Variants in DHRSX observed in about 807,000 individuals in gnomAD.
DHRSX encodes dehydrogenase/reductase X-linked.
Under a neutral mutation model 34.0 loss-of-function variants are expected in DHRSX, and 31 were observed. That is an observed-to-expected ratio of 0.91 (90% CI 0.69 to 1.23). The LOEUF (loss-of-function observed/expected upper bound fraction) is 1.23, where lower values mean the gene tolerates loss of function less well. DHRSX is among the 50% of genes most tolerant of loss of function. The pLI, the probability that DHRSX is intolerant of heterozygous loss-of-function variation, is 0.00. For missense variants in DHRSX, 414 were observed against 428.1 expected (o/e 0.97, Z 0.29); for synonymous variants, 201 against 183.8 (o/e 1.09, Z -0.76).
intron 6 of DHRSX, among the ~76,000 whole-genome samples, chrX:2,238,579 CTTCT>C (rs1372305581): frequency 6.0e-5 from 9 of 149,796 alleles, no homozygotes; most frequent in Non-Finnish European, 8.9e-5. Context: ...CAAGGTTTTT[CTTCT>C]TTCTTTTTTT....
intron 3 of DHRSX, among the ~76,000 whole-genome samples, chrX:2,298,638 G>GCACACACACGCACACACACACACACA (rs1569485218): frequency 9.7e-6 from 1 of 103,356 alleles, no homozygotes; most frequent in African/African-American, 7.5e-5. Flanking sequence ...ACACACACAC[G>GCACACACACGCACACACACACACACA]AGGTCTTATT....
chrX:2,377,295 G>A (rs1261732422), intron 3 of DHRSX, among the ~76,000 whole-genome samples: 1 of 151,770 alleles, frequency 6.6e-6, no homozygotes, highest in Non-Finnish European at 1.5e-5. Flanking sequence ...TCATTGCCAT[G>A]TAGACTCAGT....
chrX:2,478,188 C>T (rs1189974765), intron 1 of DHRSX, among the ~76,000 whole-genome samples: 3 of 152,230 alleles, frequency 2.0e-5, no homozygotes, highest in South Asian at 4.2e-4. Flanking sequence ...GGAATGAATG[C>T]GGTCAGCACG....
chrX:2,439,456 C>A (rs1456150054), intron 1 of DHRSX, among the ~76,000 whole-genome samples: 1 of 152,082 alleles, frequency 6.6e-6, no homozygotes, highest in Non-Finnish European at 1.5e-5. Flanking sequence ...TTTTTGGCAC[C>A]AGGAACCAGT....
At chrX:2,495,321 C>T (rs1036291815) in intron 1 of DHRSX, among the ~76,000 whole-genome samples, 18 of 151,488 alleles carry the variant, frequency 1.2e-4, no homozygotes, top group African/African-American at 3.4e-4. Flanking sequence ...GGCTGAAAGA[C>T]GCCCCAGTAC....
chrX:2,299,157 G>A (rs1449273124), intron 3 of DHRSX, among the ~76,000 whole-genome samples: 3 of 152,010 alleles, frequency 2.0e-5, no homozygotes, highest in African/African-American at 4.8e-5. Flanking sequence ...TAAGCAATTC[G>A]GTCAAGTCAC....
chrX:2,340,761 A>G (rs1313110029), intron 3 of DHRSX, among the ~76,000 whole-genome samples: 1 of 152,110 alleles, frequency 6.6e-6, no homozygotes, highest in Non-Finnish European at 1.5e-5. Flanking sequence ...TGGGAGAAAG[A>G]TAGGCTCGTG....
chrX:2,315,855 GAGTCACATTT>G (rs2042235768), intron 3 of DHRSX, among the ~76,000 whole-genome samples: 1 of 152,026 alleles, frequency 6.6e-6, no homozygotes, highest in African/African-American at 2.4e-5. Context: ...TTGTGAGATT[GAGTCACATTT>G]TCTCTCTTTT....
chrX:2,237,031 A>G (rs1313810505), intron 6 of DHRSX, among the ~76,000 whole-genome samples: 2 of 151,968 alleles, frequency 1.3e-5, no homozygotes, highest in African/African-American at 4.8e-5. Flanking sequence ...TCTACTGAAA[A>G]TGTAAAAATT....
chrX:2,261,491 G>C (rs1307963612), intron 5 of DHRSX: 1 of 151,934 alleles, frequency 6.6e-6, no homozygotes, highest in Admixed American at 6.6e-5. Flanking sequence ...AGAGATCGTG[G>C]CTGGGCACGG....
intron 5 of DHRSX, among the ~76,000 whole-genome samples, chrX:2,253,345 G>A (rs1286667013): frequency 2.6e-5 from 4 of 151,342 alleles, no homozygotes; most frequent in South Asian, 4.2e-4. Context: ...TGGCGTGGCC[G>A]CACTGCAGCC....
intron 3 of DHRSX, among the ~76,000 whole-genome samples, chrX:2,304,298 T>G (rs1463308047): frequency 6.8e-6 from 1 of 146,760 alleles, no homozygotes; most frequent in African/African-American, 2.6e-5. Context: ...GGTGGGTGGA[T>G]GGATGGATGG....
At chrX:2,476,067 C>T (rs1363491424) in intron 1 of DHRSX, among the ~76,000 whole-genome samples, 1 of 152,118 alleles carries the variant, frequency 6.6e-6, no homozygotes, top group Non-Finnish European at 1.5e-5. Context: ...AGCACAGAGC[C>T]ACGGTGAGAC....
rs1017325859 is a variant in DHRSX at position 2,462,537 on chromosome X, A to T, written c.110-37233T>A. Among the ~76,000 whole-genome samples the T allele has an allele frequency of 2.0e-3, 55 of 27,332 alleles. No individual in the cohort carries two copies. The African/African-American group carries it at 0.069, about 34-fold the overall frequency. The allele number at this position is 27,332 out of a possible 152,430, so 17.9% of individuals were successfully genotyped here. ...GCAACAAGAGCAAAACTCCATCTCA[A>T]AAAAAAAACAATGTTAGATAGTATC... On this transcript the variant is annotated intron_variant, in intron 1 of 6. Coordinates refer to ENST00000334651, the MANE Select transcript of DHRSX (RefSeq NM_145177.3).
intron 3 of DHRSX, among the ~76,000 whole-genome samples, chrX:2,351,378 C>CTTTTA (rs2042787094): frequency 6.6e-6 from 1 of 152,156 alleles, no homozygotes; most frequent in South Asian, 2.1e-4. Context: ...TGGACTAAGT[C>CTTTTA]TTTAAATAAA....
At chrX:2,266,971 G>A in intron 4 of DHRSX, 24 bp from the exon 5 acceptor site, 1 of 1,611,054 alleles carries the variant, frequency 6.2e-7, no homozygotes, top group Non-Finnish European at 8.5e-7. Context: ...AATATCAGAA[G>A]GAGTTAGACT....
intron 3 of DHRSX, among the ~76,000 whole-genome samples, chrX:2,310,992 C>T (rs1235912026): frequency 1.3e-5 from 2 of 148,962 alleles, no homozygotes; most frequent in East Asian, 2.0e-4. Context: ...ATCCGGGAGG[C>T]GGAGGTTGTA....
At chrX:2,447,600 T>G (rs2044155198) in intron 1 of DHRSX, among the ~76,000 whole-genome samples, 1 of 152,060 alleles carries the variant, frequency 6.6e-6, no homozygotes, top group Non-Finnish European at 1.5e-5. Flanking sequence ...ACTGCAGCAC[T>G]ACTCACAGTT....
intron 3 of DHRSX, among the ~76,000 whole-genome samples, chrX:2,360,884 A>T (rs1203415194): frequency 2.0e-5 from 3 of 152,018 alleles, no homozygotes; most frequent in Admixed American, 1.3e-4. Flanking sequence ...ATGACTAAAC[A>T]CCAAATACAT....
Sources: gnomAD v4.1 joint callset for allele counts (sites outside exome capture counted in the v4.1 genomes callset) on GRCh38, gnomAD v4.1.1 for gene constraint, MANE v1.5 for transcripts, NCBI Gene and HGNC (gene_info 2026-07-23, HGNC 2026-07-21) for gene names.